CNTN3: variants seen among roughly 807,000 people sequenced by gnomAD.
The protein encoded by CNTN3 is contactin-3.
A neutral mutation model predicts 119.1 loss-of-function variants in CNTN3; 60 were observed. The observed-to-expected ratio is 0.50, with a 90% CI of 0.41 to 0.62. The LOEUF (loss-of-function observed/expected upper bound fraction) is 0.62, where lower values mean the gene tolerates loss of function less well. Among genes scored for constraint, CNTN3 ranks in the 20% least tolerant of loss-of-function variants. The pLI, the probability that CNTN3 is intolerant of heterozygous loss-of-function variation, is 0.00. For missense variants in CNTN3, 1,101 were observed against 1,242.4 expected (o/e 0.89, Z 1.71); for synonymous variants, 450 against 438.7 (o/e 1.03, Z -0.32).
chr3:74,339,067 A>G (rs1261416850), intron 11 of CNTN3, among the ~76,000 whole-genome samples: 1 of 152,152 alleles, frequency 6.6e-6, no homozygotes, highest in Non-Finnish European at 1.5e-5. Flanking sequence ...TGAGCATGTA[A>G]TAATAACTTA....
chr3:74,269,922 T>C (rs1701737359), intron 20 of CNTN3, among the ~76,000 whole-genome samples: 1 of 152,128 alleles, frequency 6.6e-6, no homozygotes, highest in Non-Finnish European at 1.5e-5. Flanking sequence ...ATGAAAAGGG[T>C]TCTAGAGATC....
Position 74,463,754 on chromosome 3 carries a change from T to G in CNTN3, c.358+22702A>C, listed in dbSNP as rs564190552. Reference sequence around the variant, plus strand: ...CAACGTCTCCTGGAGAGTCGGCATGTCTTATTCAAACCCTTCACTTCCTCT... The same window carrying G: ...CAACGTCTCCTGGAGAGTCGGCATGGCTTATTCAAACCCTTCACTTCCTCT... On this transcript the variant is annotated intron_variant, in intron 4 of 22. Transcript: ENST00000263665. 5.9e-5 allele frequency among the ~76,000 whole-genome samples: 9 copies of G among 152,248 alleles called. No individual in the cohort carries two copies. In the East Asian group the frequency reaches 1.7e-3, roughly 29 times the overall value.
chr3:74,601,791 A>G (rs1704914969), intron 1 of CNTN3, among the ~76,000 whole-genome samples: 1 of 152,082 alleles, frequency 6.6e-6, no homozygotes, highest in Non-Finnish European at 1.5e-5. Context: ...AGAAGTGGTA[A>G]TATTCCAGTA....
intron 1 of CNTN3, among the ~76,000 whole-genome samples, chr3:74,523,580 A>G (rs1703573978): frequency 6.6e-6 from 1 of 151,868 alleles, no homozygotes; most frequent in Non-Finnish European, 1.5e-5. Flanking sequence ...CACGAAATCT[A>G]ACTTAGAAGG....
chr3:74,382,225 A>G (rs1227102870), intron 5 of CNTN3, among the ~76,000 whole-genome samples: 1 of 152,106 alleles, frequency 6.6e-6, no homozygotes, highest in African/African-American at 2.4e-5. Flanking sequence ...AACTAATAAT[A>G]GCAATGTTTA....
intron 13 of CNTN3, among the ~76,000 whole-genome samples, chr3:74,315,587 G>A (rs1702810908): frequency 6.6e-6 from 1 of 152,044 alleles, no homozygotes; most frequent in Non-Finnish European, 1.5e-5. Context: ...TTCGTACAAT[G>A]TCTCCTCTCA....
At chr3:74,407,376 C>G (rs1209109316) in intron 5 of CNTN3, among the ~76,000 whole-genome samples, 1 of 145,704 alleles carries the variant, frequency 6.9e-6, no homozygotes, top group Non-Finnish European at 1.5e-5. Flanking sequence ...TCAAGCGATT[C>G]TCCTGCCTCA....
intron 20 of CNTN3, among the ~76,000 whole-genome samples, chr3:74,279,886 G>A (rs1488840552): frequency 6.6e-6 from 1 of 152,014 alleles, no homozygotes; most frequent in Non-Finnish European, 1.5e-5. Flanking sequence ...AGGGGTTTGG[G>A]GTGAGGGGGA....
Position 74,546,210 on chromosome 3 carries a change from T to C in CNTN3, c.-80-25018A>G, listed in dbSNP as rs182743989. Among the ~76,000 whole-genome samples, 653 of 152,236 alleles carry C rather than the reference T, an allele frequency of 4.3e-3. 6 individuals are homozygous for C. The highest frequency in any genetic ancestry group is 0.015 in the African/African-American group (622 of 41,552). On this transcript the variant is annotated intron_variant, in intron 1 of 22. Coordinates refer to ENST00000263665, the MANE Select transcript of CNTN3 (RefSeq NM_020872.3). ...CAGGGTTTCACCGTGTTAACCAGGA[T>C]TGTCTCGATCTCTTGACCTCATGAT...
chr3:74,494,117 TAGCAGCTCCTCTATTCTCCTTTAA>T (rs1198677997), intron 3 of CNTN3, among the ~76,000 whole-genome samples: 1 of 152,076 alleles, frequency 6.6e-6, no homozygotes, highest in Non-Finnish European at 1.5e-5. Context: ...CTTTTCCTGG[TAGCAGCTCCTCTATTCTCCTTTAA>T]AGCAGCCCTC....
At chr3:74,310,633 G>T (rs1200900226) in intron 13 of CNTN3, among the ~76,000 whole-genome samples, 6 of 152,176 alleles carry the variant, frequency 3.9e-5, no homozygotes, top group African/African-American at 2.4e-5. Context: ...GAACAAGGTA[G>T]AAGTGGATAC....
intron 1 of CNTN3, among the ~76,000 whole-genome samples, chr3:74,553,335 T>C (rs980845871): frequency 7.2e-5 from 11 of 152,222 alleles, no homozygotes; most frequent in Admixed American, 5.9e-4. Flanking sequence ...CAGTCTATCA[T>C]TGATGGACAT....
chr3:74,422,489 G>A (rs540206464), intron 5 of CNTN3, among the ~76,000 whole-genome samples: 9 of 152,160 alleles, frequency 5.9e-5, no homozygotes, highest in Non-Finnish European at 1.3e-4. Context: ...ATTTAGGACA[G>A]GTGTGATGGG....
At chr3:74,546,672 A>T (rs1464236608) in intron 1 of CNTN3, among the ~76,000 whole-genome samples, 2 of 152,112 alleles carry the variant, frequency 1.3e-5, no homozygotes, top group Non-Finnish European at 2.9e-5. Flanking sequence ...ACCTTCGACC[A>T]CAGACTGAAG....
intron 5 of CNTN3, among the ~76,000 whole-genome samples, chr3:74,401,458 C>G (rs565566543): frequency 1.3e-5 from 2 of 151,996 alleles, no homozygotes; most frequent in African/African-American, 4.8e-5. Flanking sequence ...TACACATTCT[C>G]CACTCATATT....
intron 1 of CNTN3, among the ~76,000 whole-genome samples, chr3:74,561,101 G>A (rs1375491780): frequency 2.0e-5 from 3 of 150,940 alleles, no homozygotes; most frequent in South Asian, 2.1e-4. Context: ...GGTGCAGCAC[G>A]CCAACATGGC....
In CNTN3 at chr3:74,455,516, C is replaced by T. The variant is rs191929253; in HGVS notation, c.359-30576G>A. Among the ~76,000 whole-genome samples, 302 of 152,270 alleles carry T rather than the reference C, an allele frequency of 2.0e-3. 3 individuals carry two copies. The highest frequency in any genetic ancestry group is 7.8e-3 in the Admixed American group (119 of 15,290). Reference sequence around the variant, plus strand: ...CTCTCGACTCGTCAAAGTCATTCTCCGTCCAGCTTTGTTCCATTGCTGGTG... The same window carrying T: ...CTCTCGACTCGTCAAAGTCATTCTCTGTCCAGCTTTGTTCCATTGCTGGTG... On this transcript the variant is annotated intron_variant, in intron 4 of 22. Coordinates refer to ENST00000263665, the MANE Select transcript of CNTN3 (RefSeq NM_020872.3).
In CNTN3 at chr3:74,348,769, ATTGTTGC is replaced by A. The variant is rs1388749631; in HGVS notation, c.1365-12118_1365-12112del. The stretch of plus-strand genomic sequence containing the variant: ...GGAAACCTTGAGAGATGATAAAATG[ATTGTTGC>A]TTTACACCATTACATTGTTTTAGCA... On this transcript the variant is annotated intron_variant, in intron 11 of 22. Coordinates refer to ENST00000263665, the MANE Select transcript of CNTN3 (RefSeq NM_020872.3). Among the ~76,000 whole-genome samples the A allele has an allele frequency of 3.3e-5, 5 of 152,180 alleles. No homozygotes were observed. In the East Asian group the frequency reaches 7.7e-4, roughly 24 times the overall value.
intron 13 of CNTN3, among the ~76,000 whole-genome samples, chr3:74,319,664 A>G (rs528624123): frequency 6.6e-6 from 1 of 151,968 alleles, no homozygotes; most frequent in Admixed American, 6.6e-5. Flanking sequence ...AAATTGACAA[A>G]TGGGATCCAA....
Sources: allele counts gnomAD v4.1 joint callset (sites outside exome capture counted in the v4.1 genomes callset), GRCh38; gene constraint gnomAD v4.1.1; transcripts MANE v1.5; gene names NCBI Gene and HGNC (gene_info 2026-07-23, HGNC 2026-07-21).